ADAMTS19: variants seen among roughly 807,000 people sequenced by gnomAD.
ADAMTS19 encodes the protein A disintegrin and metalloproteinase with thrombospondin motifs 19.
A neutral mutation model predicts 153.3 loss-of-function variants in ADAMTS19; 93 were observed. The ratio of observed to expected loss-of-function variants is 0.61; its 90% CI spans 0.51 to 0.72. The LOEUF (loss-of-function observed/expected upper bound fraction) is 0.72, where lower values mean the gene tolerates loss of function less well. Among genes scored for constraint, ADAMTS19 ranks in the 30% least tolerant of loss-of-function variants. ADAMTS19 has a pLI of 0.00. For synonymous variants in ADAMTS19, 600 were observed against 556.6 expected, an observed-to-expected ratio of 1.08 and a Z score of -1.10; for missense variants, 1,482 against 1,552.1, an observed-to-expected ratio of 0.95 and a Z score of 0.76.
chr5:129,502,532 T>C (rs1751138172), intron 2 of ADAMTS19, among the ~76,000 whole-genome samples: 1 of 152,198 alleles, frequency 6.6e-6, no homozygotes, highest in South Asian at 2.1e-4. Context: ...CCTTCTATCA[T>C]TGGAGTTTTA....
intron 6 of ADAMTS19, among the ~76,000 whole-genome samples, chr5:129,532,839 C>T (rs1318264527): frequency 1.3e-5 from 2 of 152,114 alleles, no homozygotes; most frequent in African/African-American, 4.8e-5. Context: ...TGGCTCACGC[C>T]TGTAATCCCA....
chr5:129,567,355 G>A (rs1753753035), intron 7 of ADAMTS19, among the ~76,000 whole-genome samples: 1 of 152,050 alleles, frequency 6.6e-6, no homozygotes, highest in African/African-American at 2.4e-5. Context: ...CAATTTGCAT[G>A]GGAAAAGACA....
intron 6 of ADAMTS19, among the ~76,000 whole-genome samples, chr5:129,538,489 C>T (rs1339130713): frequency 6.6e-6 from 1 of 151,880 alleles, no homozygotes; most frequent in Non-Finnish European, 1.5e-5. Context: ...TGTTAAAAAC[C>T]TTAAAACTAG....
At chr5:129,601,258 T>C (rs1306545874) in intron 8 of ADAMTS19, among the ~76,000 whole-genome samples, 1 of 152,214 alleles carries the variant, frequency 6.6e-6, no homozygotes, top group Non-Finnish European at 1.5e-5. Context: ...TCATCAAATA[T>C]AATTGGGATC....
rs369093116 is a variant in ADAMTS19, at chr5:129,503,093, T to C, written c.748-5984T>C. On this transcript the variant is annotated intron_variant, in intron 2 of 22. Coordinates refer to ENST00000274487, the MANE Select transcript of ADAMTS19 (RefSeq NM_133638.6). ...CATGCAACTAAAGGTTATTTTGAAA[T>C]GTGTTTGTTCACATAGTAAAAGCTT... 2.1e-4 allele frequency among the ~76,000 whole-genome samples: 32 copies of C among 152,322 alleles called. No homozygotes were observed. The East Asian group carries it at 4.6e-3, about 22-fold the overall frequency.
intron 7 of ADAMTS19, among the ~76,000 whole-genome samples, chr5:129,554,369 T>C (rs1351627159): frequency 6.6e-6 from 1 of 152,170 alleles, no homozygotes; most frequent in Non-Finnish European, 1.5e-5. Flanking sequence ...TCATGGGGAT[T>C]GTTTCAGGAC....
intron 7 of ADAMTS19, among the ~76,000 whole-genome samples, chr5:129,577,676 A>G (rs1749214575): frequency 6.6e-6 from 1 of 152,126 alleles, no homozygotes; most frequent in Admixed American, 6.6e-5. Context: ...GACCAAGAGA[A>G]AGCCAAGGTA....
At chr5:129,702,347 A>G (rs1180864174) in intron 20 of ADAMTS19, among the ~76,000 whole-genome samples, 1 of 152,244 alleles carries the variant, frequency 6.6e-6, no homozygotes, top group Non-Finnish European at 1.5e-5. Context: ...ACATACTTAT[A>G]TACTCATGTT....
At chr5:129,722,118 G>C (rs2127201860) in intron 21 of ADAMTS19, among the ~76,000 whole-genome samples, 1 of 152,268 alleles carries the variant, frequency 6.6e-6, no homozygotes, top group East Asian at 1.9e-4. Flanking sequence ...TATATACCCA[G>C]TAATGGGATT....
At chr5:129,579,439 T>A (rs1415161875) in intron 7 of ADAMTS19, among the ~76,000 whole-genome samples, 1 of 152,236 alleles carries the variant, frequency 6.6e-6, no homozygotes, top group Non-Finnish European at 1.5e-5. Context: ...GCTCTTTAGA[T>A]TAATTAGATC....
At chr5:129,711,624 G>A (rs1756478246) in intron 21 of ADAMTS19, among the ~76,000 whole-genome samples, 1 of 151,878 alleles carries the variant, frequency 6.6e-6, no homozygotes, top group Non-Finnish European at 1.5e-5. Flanking sequence ...TGCAGTGAGT[G>A]GAGATCACAC....
rs552973188 is a variant in ADAMTS19, at chr5:129,565,367, T to G, written c.1372+13460T>G. Among the ~76,000 whole-genome samples, 3 of 152,304 alleles carry G rather than the reference T, an allele frequency of 2.0e-5. No homozygotes were observed. In the East Asian group the frequency reaches 5.8e-4, roughly 29 times the overall value. On this transcript the variant is annotated intron_variant, in intron 7 of 22. Coordinates refer to ENST00000274487, the MANE Select transcript of ADAMTS19 (RefSeq NM_133638.6). ...TACACAGAGAGTAATAACCTTCATC[T>G]TGTACTAAATTCTCATATCTGAGAG... is the stretch of plus-strand genomic sequence containing the variant.
intron 7 of ADAMTS19, among the ~76,000 whole-genome samples, chr5:129,557,764 C>T (rs1753364168): frequency 6.6e-6 from 1 of 151,948 alleles, no homozygotes; most frequent in South Asian, 2.1e-4. Context: ...GTATAAATGT[C>T]TTACTAAATC....
intron 2 of ADAMTS19, among the ~76,000 whole-genome samples, chr5:129,477,725 T>G (rs973513335): frequency 1.3e-5 from 2 of 152,226 alleles, no homozygotes; most frequent in Non-Finnish European, 2.9e-5. Flanking sequence ...TCTTCACAAG[T>G]GCACAGTGTC....
In ADAMTS19 at chr5:129,738,456, T is replaced by C. The variant is rs993873408; in HGVS notation, c.*1238T>C. The C allele has an allele frequency of 4.6e-5, 7 of 152,182 alleles. No individual in the cohort carries two copies. The highest frequency in any genetic ancestry group is 2.1e-4 in the South Asian group (1 of 4,822). The allele number at this position is 152,182 out of a possible 1,614,324, so 9.4% of individuals were successfully genotyped here. On this transcript the variant is annotated 3_prime_UTR_variant, in exon 23 of 23. Transcript: ENST00000274487. Reference sequence around the variant, plus strand: ...TTATAGAGTGAACTGCCTTGGAAGATAGTATGTCTCTTGGGAGCAAAGGGC... The same window carrying C: ...TTATAGAGTGAACTGCCTTGGAAGACAGTATGTCTCTTGGGAGCAAAGGGC...
intron 2 of ADAMTS19, among the ~76,000 whole-genome samples, chr5:129,480,515 T>A (rs1039885766): frequency 3.9e-5 from 6 of 152,274 alleles, no homozygotes; most frequent in African/African-American, 1.2e-4. Context: ...AAGCATTTGT[T>A]ACCAGAATAT....
At chr5:129,524,180 G>T (rs549502392) in intron 3 of ADAMTS19, among the ~76,000 whole-genome samples, 1 of 151,942 alleles carries the variant, frequency 6.6e-6, no homozygotes, top group African/African-American at 2.4e-5. Flanking sequence ...TCTGATCTTC[G>T]ACAAACCTGA....
At chr5:129,666,108 C>G (rs1337663986) in intron 16 of ADAMTS19, among the ~76,000 whole-genome samples, 1 of 151,442 alleles carries the variant, frequency 6.6e-6, no homozygotes, top group East Asian at 1.9e-4. Context: ...TTTAGGAAAT[C>G]TCACCTATGA....
At chr5:129,734,906 C>A (rs1406021389) in intron 21 of ADAMTS19, 26 bp from the exon 22 acceptor site, 1 of 1,495,840 alleles carries the variant, frequency 6.7e-7, no homozygotes. Context: ...AAAAAAGAAC[C>A]TAAACAAACC....
Sources: gnomAD v4.1 joint callset for allele counts (sites outside exome capture counted in the v4.1 genomes callset) on GRCh38, gnomAD v4.1.1 for gene constraint, MANE v1.5 for transcripts, NCBI Gene and HGNC (gene_info 2026-07-23, HGNC 2026-07-21) for gene names.